The following NAXD variants were observed in gnomAD, a reference collection of about 807,000 sequenced individuals.
The protein encoded by NAXD is NAD(P)HX dehydratase.
NAXD carries 22 observed loss-of-function variants against 35.8 expected under a neutral mutation model. That is an observed-to-expected ratio of 0.62 (90% CI 0.44 to 0.88). NAXD has a LOEUF of 0.88. NAXD is among the 40% of genes least tolerant of loss of function. NAXD has a pLI of 0.00. For synonymous variants in NAXD, 189 were observed against 177.6 expected (o/e 1.06, Z -0.51); for missense variants, 428 against 437.7 (o/e 0.98, Z 0.20).
In NAXD at chr13:110,617,966, G is replaced by C. The variant is rs546660852; in HGVS notation, c.46+2319G>C. ...GGAAGCAGTCAGTGCTGCAGCTTGCGGATGGTGCCACATTCCTCGTGGGCA... is the reference window on the plus strand; with the variant it reads ...GGAAGCAGTCAGTGCTGCAGCTTGCCGATGGTGCCACATTCCTCGTGGGCA... On this transcript the variant is annotated intron_variant, in intron 1 of 9. Coordinates refer to ENST00000680254, the MANE Select transcript of NAXD (RefSeq NM_001242882.2). Among the ~76,000 whole-genome samples, 55 of 152,284 alleles carry C rather than the reference G, an allele frequency of 3.6e-4. No homozygotes were observed. The Middle Eastern group carries it at 0.01, about 28-fold the overall frequency.
chr13:110,615,931 G>C (rs1048523257), intron 1 of NAXD: 17 of 537,772 alleles, frequency 3.2e-5, no homozygotes, highest in Non-Finnish European at 4.3e-5. Context: ...GGCGCGGCTT[G>C]GGTGATGGGA....
rs778677682 is a variant in NAXD, at chr13:110,624,227, T to C, written c.198-7T>C. 1.3e-6 allele frequency: 2 copies of C among 1,597,568 alleles called. No homozygotes were observed. Among genetic ancestry groups the C allele is most frequent in the South Asian group, 2.2e-5 (2 of 89,798 alleles). On this transcript the variant is annotated splice_polypyrimidine_tract_variant and splice_region_variant and intron_variant, in intron 2 of 9. Transcript: ENST00000680254. ...GAAGTTTTTGACTCTAAATACCTTC[T>C]TTTTAGGTACACTGGAGCCCCATAT...
chr13:110,636,509 A>G (rs1204909111), intron 8 of NAXD, among the ~76,000 whole-genome samples: 1 of 152,244 alleles, frequency 6.6e-6, no homozygotes, highest in East Asian at 1.9e-4. Flanking sequence ...TGCACAAGGA[A>G]CACAGAGCAG....
intron 5 of NAXD, among the ~76,000 whole-genome samples, chr13:110,633,611 C>G (rs1349671559): frequency 6.6e-6 from 1 of 152,210 alleles, no homozygotes; most frequent in African/African-American, 2.4e-5. Flanking sequence ...TTAATGTTTT[C>G]TATTTTAATG....
In NAXD at chr13:110,639,336, G is replaced by GA. The variant is rs1430799291; in HGVS notation, c.*809dup. On this transcript the variant is annotated 3_prime_UTR_variant, in exon 10 of 10. Transcript: ENST00000680254. ...GGTGAAGGGCTGCAGCCTGGGGTCT[G>GA]ACGTGGCCCCTAGTGCTGTCTCAGG... The GA allele has an allele frequency of 6.5e-6, 1 of 154,274 alleles. No homozygotes were observed. Among genetic ancestry groups the GA allele is most frequent in the East Asian group, 1.9e-4 (1 of 5,228 alleles). 9.6% of individuals were successfully genotyped at this position (154,274 alleles called of 1,614,324 possible).
intron 1 of NAXD, 35 bp from the exon 2 acceptor site, chr13:110,622,181 A>G: frequency 6.3e-7 from 1 of 1,579,094 alleles, no homozygotes; most frequent in Non-Finnish European, 8.6e-7. Context: ...ATATCTGTTT[A>G]CCTTTCTGAA....
chr13:110,636,369 G>A (rs79481071), intron 8 of NAXD, among the ~76,000 whole-genome samples: 17,932 of 139,530 alleles, frequency 0.13, 1,424 homozygotes, highest in Admixed American at 0.27. Flanking sequence ...ATGTGCACAC[G>A]CATGCAATTC....
rs994721458 is a variant in NAXD, at chr13:110,638,391, C to G, written c.853C>G (p.Leu285Val). The G allele has an allele frequency of 6.2e-7, 1 of 1,613,806 alleles. No individual in the cohort carries two copies. Among genetic ancestry groups the G allele is most frequent in the African/African-American group, 1.3e-5 (1 of 75,050 alleles). ...CCCTCTCCGCAGGTCCAGCCCTCTC[C>G]TGGTGGCCGCGTTTGGCGCCTGCTC... ...PQKTNGSSPL[L>V]VAAFGACSLT... The change falls in exon 10 of 10, where the codon CTG becomes GTG. Residue 285 changes from leucine to valine, a missense_variant. This residue lies in a region of NAXD where 209 missense variants were observed against 214.6 expected (regional missense o/e 0.97). Coordinates refer to ENST00000680254, the MANE Select transcript of NAXD (RefSeq NM_001242882.2). The surrounding 1 kb of genome is among the most constrained non-coding windows in gnomAD (Gnocchi z 5.4).
rs564778908 is a variant in NAXD, at chr13:110,625,246, C to G, written c.300C>G (p.Ala100=). Residue 100 remains alanine, a synonymous_variant, in exon 4 of 10, where the codon GCC becomes GCG. Transcript: ENST00000680254. The part of the protein sequence containing the change: ...CASAAAPVIK[A]YSPELIVHPV... ...GTGCGGCCGCACCTGTGATTAAGGC[C>G]TACAGCCCGGAGCTGATCGTCCACC... The G allele has an allele frequency of 1.2e-6, 2 of 1,613,710 alleles. No homozygotes were observed. The highest frequency in any genetic ancestry group is 2.7e-5 in the African/African-American group (2 of 74,942).
At chr13:110,629,426 G>A (rs1886624371) in intron 5 of NAXD, among the ~76,000 whole-genome samples, 1 of 152,108 alleles carries the variant, frequency 6.6e-6, no homozygotes, top group African/African-American at 2.4e-5. Context: ...TATGTTTATT[G>A]CCTCCAGAAG....
chr13:110,625,832 T>C (rs1024863713), intron 4 of NAXD, among the ~76,000 whole-genome samples: 2 of 152,240 alleles, frequency 1.3e-5, no homozygotes, highest in African/African-American at 4.8e-5. Flanking sequence ...TGTTTACTTT[T>C]CATTGTGTGT....
chr13:110,636,428 G>A (rs1025795253), intron 8 of NAXD, among the ~76,000 whole-genome samples: 9 of 151,714 alleles, frequency 5.9e-5, no homozygotes, highest in African/African-American at 1.5e-4. Flanking sequence ...TTGCACACTC[G>A]CACTTATACA....
At chr13:110,631,318 T>C (rs1886687253) in intron 5 of NAXD, among the ~76,000 whole-genome samples, 1 of 152,246 alleles carries the variant, frequency 6.6e-6, no homozygotes, top group Non-Finnish European at 1.5e-5. Flanking sequence ...TTACACTGTT[T>C]TCAGCTTTTT....
intron 4 of NAXD, among the ~76,000 whole-genome samples, chr13:110,625,643 G>GCCTGT (rs1242461088): frequency 4.6e-5 from 7 of 152,218 alleles, no homozygotes; most frequent in Non-Finnish European, 1.0e-4. Flanking sequence ...CCAGGCCCTA[G>GCCTGT]CCTGTGTTCC....
chr13:110,617,693 C>T (rs1218115813), intron 1 of NAXD, among the ~76,000 whole-genome samples: 1 of 152,234 alleles, frequency 6.6e-6, no homozygotes, highest in Non-Finnish European at 1.5e-5. Flanking sequence ...TTTACACCTA[C>T]TGTGTGCCCA....
intron 3 of NAXD, 39 bp from the exon 4 acceptor site, chr13:110,625,151 G>T: frequency 6.6e-7 from 1 of 1,506,978 alleles, no homozygotes; most frequent in South Asian, 1.1e-5. Flanking sequence ...AGCGATGCCG[G>T]AGCGATCCCT....
intron 2 of NAXD, among the ~76,000 whole-genome samples, chr13:110,623,076 T>C (rs1411490500): frequency 6.6e-6 from 1 of 152,196 alleles, no homozygotes; most frequent in Admixed American, 6.5e-5. Context: ...ACCTGTTCCC[T>C]GCAGCCCTTG....
In NAXD at chr13:110,635,568, T is replaced by G; in HGVS notation, c.698T>G (p.Ile233Ser). Residue 233 changes from isoleucine to serine, a missense_variant, in exon 8 of 10, where the codon ATC (isoleucine) becomes AGC (serine). By Grantham distance (142) the Ile-to-Ser change is moderately radical. This residue lies in a region of NAXD where 209 missense variants were observed against 214.6 expected (regional missense o/e 0.97). Transcript: ENST00000680254. ...VTVVQKGERD[I>S]LSNGQQVLVC... ...GTGGTCCAGAAAGGAGAGCGCGACA[T>G]CCTCTCCAACGGCCAGCAGGGTGAG... 6.2e-7 allele frequency: 1 copy of G among 1,614,062 alleles called. No individual in the cohort carries two copies. Among genetic ancestry groups the G allele is most frequent in the Non-Finnish European group, 8.5e-7 (1 of 1,180,002 alleles).
intron 1 of NAXD, among the ~76,000 whole-genome samples, chr13:110,621,095 A>C (rs1236669489): frequency 2.0e-5 from 3 of 152,176 alleles, no homozygotes; most frequent in Non-Finnish European, 4.4e-5. Flanking sequence ...TTTGAACCCA[A>C]TTTAAGAGGT....
Sources: allele counts gnomAD v4.1 joint callset (sites outside exome capture counted in the v4.1 genomes callset), GRCh38; gene constraint gnomAD v4.1.1; regional missense constraint gnomAD v4.1.1; non-coding constraint Gnocchi (gnomAD v3.1); transcripts MANE v1.5; gene names NCBI Gene and HGNC (gene_info 2026-07-23, HGNC 2026-07-21).